The following CCDC63 variants were observed in gnomAD, a reference collection of about 807,000 sequenced individuals.
The protein encoded by CCDC63 is coiled-coil domain-containing protein 63.
A neutral mutation model predicts 63.6 loss-of-function variants in CCDC63; 54 were observed. The observed-to-expected ratio is 0.85, with a 90% confidence interval of 0.68 to 1.07. The LOEUF (loss-of-function observed/expected upper bound fraction) is 1.07, where lower values mean the gene tolerates loss of function less well. Among genes scored for constraint, CCDC63 ranks in the 50% least tolerant of loss-of-function variants. The probability of loss-of-function intolerance (pLI) is 0.00; values close to 1 mark genes in which losing one functional copy is unlikely to be tolerated. For missense variants in CCDC63, 637 were observed against 689.6 expected (o/e 0.92, Z 0.86); for synonymous variants, 253 against 266.1 (o/e 0.95, Z 0.48).
chr12:110,859,552 C>T (rs1160498475), intron 4 of CCDC63, among the ~76,000 whole-genome samples: 3 of 152,034 alleles, frequency 2.0e-5, no homozygotes, highest in East Asian at 1.9e-4. Flanking sequence ...ATGATCTTCC[C>T]GCCTCGGCCT....
chr12:110,861,028 C>T (rs998690600), intron 4 of CCDC63, among the ~76,000 whole-genome samples: 8 of 152,084 alleles, frequency 5.3e-5, no homozygotes, highest in Admixed American at 3.9e-4. Context: ...GGAGCAGGCA[C>T]GTCACATGGC....
chr12:110,868,044 C>A (rs1208623561), intron 4 of CCDC63, among the ~76,000 whole-genome samples: 2 of 145,438 alleles, frequency 1.4e-5, no homozygotes, highest in East Asian at 4.2e-4. Context: ...CGCTCCTCAC[C>A]TCCCAGACGG....
chr12:110,878,439 T>C (rs61940989), intron 5 of CCDC63, among the ~76,000 whole-genome samples: 46,094 of 151,982 alleles, frequency 0.3, 7,215 homozygotes, highest in African/African-American at 0.38. Context: ...CTCAGCCTCC[T>C]GAGTAGCTGG....
chr12:110,883,127 T>G (rs2071229482), intron 7 of CCDC63, among the ~76,000 whole-genome samples: 1 of 151,186 alleles, frequency 6.6e-6, no homozygotes, highest in Non-Finnish European at 1.5e-5. Flanking sequence ...AACCTCCACC[T>G]CCTGGGTTCA....
chr12:110,847,197 C>T (rs996624179), intron 1 of CCDC63, 92 bp downstream of exon 1: 6 of 152,250 alleles, frequency 3.9e-5, no homozygotes, highest in African/African-American at 1.4e-4. Flanking sequence ...CCAGTCCATT[C>T]ATATCTCGCT....
chr12:110,904,847 T>C, intron 11 of CCDC63, 56 bp downstream of exon 11: 1 of 1,422,354 alleles, frequency 7.0e-7, no homozygotes, highest in South Asian at 1.3e-5. Context: ...TGCCTTCAGG[T>C]CTGGGGAGAC....
At chr12:110,899,528 C>T (rs2136742030) in intron 10 of CCDC63, among the ~76,000 whole-genome samples, 1 of 152,102 alleles carries the variant, frequency 6.6e-6, no homozygotes, top group East Asian at 1.9e-4. Flanking sequence ...TCACATTGCC[C>T]AGGCTGGTCT....
chr12:110,858,455 G>A (rs138549100), intron 3 of CCDC63, 131 bp from the exon 4 acceptor site: 40 of 693,316 alleles, frequency 5.8e-5, no homozygotes, highest in Middle Eastern at 8.3e-4. Context: ...CCATGGACAC[G>A]TCCCTTTTGC....
intron 9 of CCDC63, among the ~76,000 whole-genome samples, 173 bp downstream of exon 9, chr12:110,893,323 C>G (rs868845186): frequency 1.3e-5 from 2 of 152,206 alleles, no homozygotes; most frequent in African/African-American, 4.8e-5. Context: ...CATGTCCTGA[C>G]GTTTTGTCCC....
chr12:110,896,380 C>T (rs963486569), intron 9 of CCDC63, among the ~76,000 whole-genome samples: 11 of 152,152 alleles, frequency 7.2e-5, no homozygotes, highest in African/African-American at 1.4e-4. Context: ...TTCTAGTAGC[C>T]GGGTGGAGGA....
At chr12:110,898,833 T>C (rs2071447674) in intron 9 of CCDC63, 100 bp from the exon 10 acceptor site, 1 of 847,354 alleles carries the variant, frequency 1.2e-6, no homozygotes. Flanking sequence ...CCTCAGAGGT[T>C]TGAAAACCCG....
chr12:110,867,523 G>C (rs1403487999), intron 4 of CCDC63, among the ~76,000 whole-genome samples: 1 of 98,532 alleles, frequency 1.0e-5, no homozygotes, highest in Non-Finnish European at 2.1e-5. Context: ...GGCCGGGCGG[G>C]GGGCTGACCC....
At chr12:110,866,324 T>TTTTTTA (rs398021066) in intron 4 of CCDC63, among the ~76,000 whole-genome samples, 4 of 146,322 alleles carry the variant, frequency 2.7e-5, no homozygotes, top group African/African-American at 7.7e-5. Context: ...TTTTTTTTTT[T>TTTTTTA]AATTTATTTT....
chr12:110,899,131 T>C lies in CCDC63; in HGVS notation c.1342+6T>C. 6.2e-7 allele frequency: 1 copy of C among 1,605,972 alleles called. No individual in the cohort carries two copies. On this transcript the variant is annotated splice_donor_region_variant and intron_variant, in intron 10 of 11. Coordinates refer to ENST00000308208, the MANE Select transcript of CCDC63 (RefSeq NM_152591.3). ...CAACCTTCCGCAGTATTTTGGTGAG[T>C]CAAGCTGGGGCCCGTTGGAGTCTTA... is the stretch of plus-strand genomic sequence containing the variant.
chr12:110,864,152 G>A (rs954836087), intron 4 of CCDC63, among the ~76,000 whole-genome samples: 4 of 152,224 alleles, frequency 2.6e-5, no homozygotes, highest in African/African-American at 9.6e-5. Context: ...GTAGACCAGG[G>A]GTAGCAAATT....
At chr12:110,857,105 T>C (rs1274088287) in intron 3 of CCDC63, among the ~76,000 whole-genome samples, 1 of 151,720 alleles carries the variant, frequency 6.6e-6, no homozygotes, top group Non-Finnish European at 1.5e-5. Context: ...GCGCCAGGCC[T>C]GTAGAACATT....
intron 9 of CCDC63, among the ~76,000 whole-genome samples, chr12:110,894,597 C>A (rs1347232146): frequency 6.6e-6 from 1 of 152,196 alleles, no homozygotes; most frequent in African/African-American, 2.4e-5. Flanking sequence ...CTCAGAGCGG[C>A]ATCTCCCGGA....
At chr12:110,860,298 G>A (rs1043319978) in intron 4 of CCDC63, among the ~76,000 whole-genome samples, 1 of 152,194 alleles carries the variant, frequency 6.6e-6, no homozygotes, top group African/African-American at 2.4e-5. Context: ...GGTCTGGGGG[G>A]CAAGTGGGGG....
chr12:110,902,869 C>T (rs2071506485), intron 10 of CCDC63, among the ~76,000 whole-genome samples: 1 of 149,906 alleles, frequency 6.7e-6, no homozygotes, highest in South Asian at 2.1e-4. Context: ...AGGTGCCCGA[C>T]ACCACGCCCG....
Sources: gnomAD v4.1 joint callset for allele counts (sites outside exome capture counted in the v4.1 genomes callset) on GRCh38, gnomAD v4.1.1 for gene constraint, MANE v1.5 for transcripts, NCBI Gene and HGNC (gene_info 2026-07-23, HGNC 2026-07-21) for gene names.